CDK19: variants seen among roughly 807,000 people sequenced by gnomAD.
CDK19 encodes cyclin dependent kinase 19, also known as cyclin-dependent kinase 19.
A neutral mutation model predicts 68.3 loss-of-function variants in CDK19; 20 were observed. The observed-to-expected ratio is 0.29, with a 90% CI of 0.21 to 0.43. The LOEUF is 0.43. Ranked by LOEUF, CDK19 falls within the 20% of genes least tolerant of loss-of-function variation. The pLI, the probability that CDK19 is intolerant of heterozygous loss-of-function variation, is 1.00. For synonymous variants in CDK19, 221 were observed against 222.8 expected (o/e 0.99, Z 0.07); for missense variants, 339 against 623.5 (o/e 0.54, Z 4.86).
intron 2 of CDK19, among the ~76,000 whole-genome samples, chr6:110,686,723 G>T (rs568763414): frequency 6.3e-4 from 96 of 152,154 alleles, no homozygotes; most frequent in Non-Finnish European, 9.8e-4. Flanking sequence ...AAAAAAATTA[G>T]ATTTCTCAAG....
chr6:110,782,607 G>A (rs1020158869), intron 1 of CDK19, among the ~76,000 whole-genome samples: 7 of 151,962 alleles, frequency 4.6e-5, no homozygotes, highest in Admixed American at 2.6e-4. Flanking sequence ...GGGATTACAG[G>A]GACTTTTCAC....
At chr6:110,720,782 G>A (rs536572654) in intron 2 of CDK19, among the ~76,000 whole-genome samples, 20 of 150,106 alleles carry the variant, frequency 1.3e-4, no homozygotes, top group South Asian at 4.2e-4. Flanking sequence ...CAGGAGAATC[G>A]CTTGAACCCG....
chr6:110,636,743 G>C (rs921484686), intron 5 of CDK19, among the ~76,000 whole-genome samples: 2 of 152,174 alleles, frequency 1.3e-5, no homozygotes, highest in South Asian at 2.1e-4. Context: ...GAAATGAATA[G>C]AGCAAGTGCT....
intron 4 of CDK19, among the ~76,000 whole-genome samples, chr6:110,639,091 T>G (rs1330527434): frequency 6.6e-6 from 1 of 152,214 alleles, no homozygotes; most frequent in Non-Finnish European, 1.5e-5. Context: ...TATGAATAAG[T>G]TGAATGGAAT....
rs559212984 is a variant in CDK19, at chr6:110,811,417, C to T, written c.128+3592G>A. 2.7e-4 allele frequency among the ~76,000 whole-genome samples: 41 copies of T among 152,216 alleles called. No individual in the cohort carries two copies. In the South Asian group the frequency reaches 8.3e-3, roughly 31 times the overall value. On this transcript the variant is annotated intron_variant, in intron 1 of 12. Coordinates refer to ENST00000368911, the MANE Select transcript of CDK19 (RefSeq NM_015076.5). ...CAGCCATGCAAGGCACCACGCTCGG[C>T]TAATTTTTGTATTTTTAGAAGAGAC...
intron 2 of CDK19, among the ~76,000 whole-genome samples, chr6:110,718,342 C>A (rs1775564921): frequency 6.6e-6 from 1 of 152,064 alleles, no homozygotes; most frequent in African/African-American, 2.4e-5. Flanking sequence ...TGTATATATT[C>A]GAGGTGTGGA....
At chr6:110,727,357 T>C (rs937706626) in intron 2 of CDK19, among the ~76,000 whole-genome samples, 1 of 152,120 alleles carries the variant, frequency 6.6e-6, no homozygotes, top group Admixed American at 6.6e-5. Context: ...TTCCTTATCT[T>C]TGAAACTTTG....
chr6:110,717,062 G>T (rs1215723037), intron 2 of CDK19, among the ~76,000 whole-genome samples: 1 of 152,144 alleles, frequency 6.6e-6, no homozygotes, highest in African/African-American at 2.4e-5. Flanking sequence ...AACCTGGGAG[G>T]CACAGGTTGG....
At chr6:110,738,083 G>GTA (rs1441441311) in intron 2 of CDK19, among the ~76,000 whole-genome samples, 1 of 152,092 alleles carries the variant, frequency 6.6e-6, no homozygotes, top group Non-Finnish European at 1.5e-5. Flanking sequence ...AAAAATCTCA[G>GTA]TACTAAACTT....
chr6:110,654,102 C>T (rs1781150153), intron 4 of CDK19, among the ~76,000 whole-genome samples: 2 of 152,166 alleles, frequency 1.3e-5, no homozygotes, highest in Admixed American at 1.3e-4. Context: ...ACAGTGCCGG[C>T]TTGATATTAA....
chr6:110,736,451 A>T (rs1369224190), intron 2 of CDK19, among the ~76,000 whole-genome samples: 1 of 152,216 alleles, frequency 6.6e-6, no homozygotes, highest in Admixed American at 6.5e-5. Context: ...ATCCAGATAC[A>T]ACCCCAAGTC....
At position 110,665,898 on chromosome 6, in the gene CDK19, C is replaced by T. The variant is rs147822036; in HGVS notation, c.456+1536G>A. ...CAGCGAGGACCACAGGAGCACACCACGCCCAGCCAATTTTTCTATTTTTTG... is the reference window on the plus strand; with the variant it reads ...CAGCGAGGACCACAGGAGCACACCATGCCCAGCCAATTTTTCTATTTTTTG... On this transcript the variant is annotated intron_variant, in intron 4 of 12. Coordinates refer to ENST00000368911, the MANE Select transcript of CDK19 (RefSeq NM_015076.5). Among the ~76,000 whole-genome samples the T allele has an allele frequency of 8.0e-4, 121 of 152,110 alleles. 3 individuals carry two copies. The East Asian group carries it at 0.018, about 23-fold the overall frequency.
intron 4 of CDK19, among the ~76,000 whole-genome samples, chr6:110,662,915 G>T (rs913614018): frequency 6.6e-6 from 1 of 151,914 alleles, no homozygotes; most frequent in African/African-American, 2.4e-5. Context: ...TATTTTTGGT[G>T]ACTTTATTTA....
At chr6:110,762,890 A>G (rs1200548945) in intron 1 of CDK19, among the ~76,000 whole-genome samples, 5 of 152,204 alleles carry the variant, frequency 3.3e-5, no homozygotes, top group African/African-American at 7.2e-5. Context: ...TTTGTAGCCA[A>G]TGTAATACCT....
intron 1 of CDK19, among the ~76,000 whole-genome samples, chr6:110,766,132 A>C (rs929618231): frequency 2.0e-5 from 3 of 152,258 alleles, no homozygotes; most frequent in African/African-American, 7.2e-5. Context: ...AGTATGTCAA[A>C]GAGATAGCTG....
chr6:110,759,260 C>G (rs1303970867), intron 1 of CDK19, among the ~76,000 whole-genome samples: 1 of 150,806 alleles, frequency 6.6e-6, no homozygotes, highest in African/African-American at 2.4e-5. Context: ...AAAAAATTAG[C>G]CAGGCATGGT....
chr6:110,746,023 T>A (rs1342793128), intron 2 of CDK19, 103 bp downstream of exon 2: 1 of 518,692 alleles, frequency 1.9e-6, no homozygotes, highest in African/African-American at 2.0e-5. Context: ...CTAACATATG[T>A]AAAATAAACA....
chr6:110,652,428 C>G (rs1781030433), intron 4 of CDK19, among the ~76,000 whole-genome samples: 1 of 152,026 alleles, frequency 6.6e-6, no homozygotes, highest in African/African-American at 2.4e-5. Context: ...TTTTTGAAAG[C>G]CTTAGTGAGA....
chr6:110,713,780 T>C (rs1002026427), intron 2 of CDK19, among the ~76,000 whole-genome samples: 5 of 151,872 alleles, frequency 3.3e-5, no homozygotes, highest in African/African-American at 7.3e-5. Context: ...ATTTGGGAGG[T>C]TGAGGCAGGA....
Sources: allele counts gnomAD v4.1 joint callset (sites outside exome capture counted in the v4.1 genomes callset), GRCh38; gene constraint gnomAD v4.1.1; transcripts MANE v1.5; gene names NCBI Gene and HGNC (gene_info 2026-07-23, HGNC 2026-07-21).